ZFAND2A: variants seen among roughly 807,000 people sequenced by gnomAD.
ZFAND2A encodes zinc finger AN1-type containing 2A, also known as AN1-type zinc finger protein 2A.
ZFAND2A carries 20 observed loss-of-function variants against 11.6 expected under a neutral mutation model. The observed-to-expected ratio is 1.72, with a 90% confidence interval of 1.21 to 2.50. The LOEUF (loss-of-function observed/expected upper bound fraction) is 2.50. ZFAND2A is among the 30% of genes most tolerant of loss of function. The pLI, the probability that ZFAND2A is intolerant of heterozygous loss-of-function variation, is 0.00. For synonymous variants in ZFAND2A, 93 were observed against 60.6 expected (o/e 1.54, Z -2.48); for missense variants, 234 against 182.9 (o/e 1.28, Z -1.61).
At chr7:1,150,146 T>C (rs1793371609), downstream of ZFAND2A, among the ~76,000 whole-genome samples, 3 of 151,238 alleles carry the variant, frequency 2.0e-5, no homozygotes, top group South Asian at 6.2e-4. Context: ...GCAAAAAAGT[T>C]TGTCAGATTA....
At position 1,153,034 on chromosome 7, in the gene ZFAND2A, C is replaced by T. The variant is rs757187945; in HGVS notation, c.*35G>A. On this transcript the variant is annotated 3_prime_UTR_variant, in exon 5 of 5. Transcript: ENST00000316495. ...GTGTAAGCTGCTTCCACGCATGCTA[C>T]TGCGTGCTCCGAGCCATCGCAGCGG... 1.5e-5 allele frequency: 24 copies of T among 1,613,634 alleles called. No homozygotes were observed. Among genetic ancestry groups the T allele is most frequent in the East Asian group, 1.1e-4 (5 of 44,878 alleles).
chr7:1,155,986 G>A (rs1488089734), intron 3 of ZFAND2A, among the ~76,000 whole-genome samples: 1 of 152,236 alleles, frequency 6.6e-6, no homozygotes, highest in Non-Finnish European at 1.5e-5. Context: ...TTTCCCCAGT[G>A]GCTTCTACGT....
chr7:1,159,301 C>G (rs916478558), intron 1 of ZFAND2A, among the ~76,000 whole-genome samples: 17 of 152,224 alleles, frequency 1.1e-4, no homozygotes, highest in Non-Finnish European at 1.6e-4. Context: ...GCACAGCACC[C>G]GTCCTAGGAA....
downstream of ZFAND2A, chr7:1,152,811 G>T: frequency 1.7e-6 from 1 of 592,006 alleles, no homozygotes; most frequent in East Asian, 3.2e-5. Flanking sequence ...TGGACCTCCA[G>T]CCCCCAGAAC....
Position 1,159,980 on chromosome 7 carries a change from A to G in ZFAND2A, c.-62T>C. 1 of 160,174 alleles carries G rather than the reference A, an allele frequency of 6.2e-6. No homozygotes were observed. Among genetic ancestry groups the G allele is most frequent in the Non-Finnish European group, 1.4e-5 (1 of 72,082 alleles). The allele number at this position is 160,174 out of a possible 1,614,324, so 9.9% of individuals were successfully genotyped here. On this transcript the variant is annotated 5_prime_UTR_variant, in exon 1 of 5. Coordinates refer to ENST00000316495, the MANE Select transcript of ZFAND2A (RefSeq NM_182491.4). ...GCCCCGTACCTGGCTCTCGTCGGGG[A>G]CCCAGGCAGCTGAGGTGAGCAGCAG...
At chr7:1,151,054 CTAA>C (rs2128256757), downstream of ZFAND2A, among the ~76,000 whole-genome samples, 1 of 152,202 alleles carries the variant, frequency 6.6e-6, no homozygotes, top group African/African-American at 2.4e-5. Flanking sequence ...CCACACCTGG[CTAA>C]TTTTTGTTTT....
intron 3 of ZFAND2A, among the ~76,000 whole-genome samples, chr7:1,156,868 G>A (rs1252203739): frequency 6.6e-6 from 1 of 151,930 alleles, no homozygotes; most frequent in African/African-American, 2.4e-5. Flanking sequence ...GGGAAGACAA[G>A]CTGGGCAGTC....
chr7:1,151,764 A>AAAAAAAAAAAAAAAAAAC (rs1793402603), downstream of ZFAND2A, among the ~76,000 whole-genome samples: 1 of 147,196 alleles, frequency 6.8e-6, no homozygotes, highest in African/African-American at 2.5e-5. Flanking sequence ...ATCCCTTTTA[A>AAAAAAAAAAAAAAAAAAC]AAAAAAAAAA....
chr7:1,158,150 G>C lies in ZFAND2A; in HGVS notation c.55+8C>G. ...CCATTTTCTATTAAGTCTCTTAAAA[G>C]TACTCACCTAGCTGCTTGCAAGTCT... On this transcript the variant is annotated splice_region_variant and intron_variant, in intron 2 of 4. Coordinates refer to ENST00000316495, the MANE Select transcript of ZFAND2A (RefSeq NM_182491.4). The C allele has an allele frequency of 1.2e-6, 2 of 1,613,146 alleles. No homozygotes were observed. Among genetic ancestry groups the C allele is most frequent in the Non-Finnish European group, 1.7e-6 (2 of 1,179,466 alleles).
chr7:1,152,077 G>A (rs987448811), downstream of ZFAND2A: 10 of 773,152 alleles, frequency 1.3e-5, no homozygotes, highest in South Asian at 5.8e-5. Flanking sequence ...GTGCTGGAGC[G>A]AGCTGCTTCT....
chr7:1,155,521 G>A lies in ZFAND2A; in HGVS notation c.214C>T (p.Pro72Ser). ...ATGTGATCACCAACCACCACGTCTGGTATCTGGCCCTTTTTTACTGGGATG... is the reference window on the plus strand; with the variant it reads ...ATGTGATCACCAACCACCACGTCTGATATCTGGCCCTTTTTTACTGGGATG... ...TPIPVKKGQI[P>S]DVVVGDHIDR... The change falls in exon 4 of 5, where the codon CCA becomes TCA. Residue 72 changes from proline to serine, a missense_variant. Transcript: ENST00000316495. 2 of 1,613,958 alleles carry A rather than the reference G, an allele frequency of 1.2e-6. No homozygotes were observed. Among genetic ancestry groups the A allele is most frequent in the Non-Finnish European group, 1.7e-6 (2 of 1,179,938 alleles).
chr7:1,155,982 C>A (rs368575027), intron 3 of ZFAND2A, among the ~76,000 whole-genome samples: 5 of 152,234 alleles, frequency 3.3e-5, no homozygotes, highest in African/African-American at 1.2e-4. Flanking sequence ...GCGGTTTCCC[C>A]AGTGGCTTCT....
At chr7:1,154,275 G>A (rs945037093) in intron 4 of ZFAND2A, among the ~76,000 whole-genome samples, 1 of 151,878 alleles carries the variant, frequency 6.6e-6, no homozygotes, top group Non-Finnish European at 1.5e-5. Context: ...AGTGAGGAGA[G>A]TGGGGAGGGT....
In ZFAND2A at chr7:1,159,422, G is replaced by C. The variant is rs991954951; in HGVS notation, c.-46+542C>G. ...CCGTGCGACCCGGTACTACGGCCCC[G>C]ATGGCAGGCCCGGCCCCCAGCAGAC... On this transcript the variant is annotated intron_variant, in intron 1 of 4. Transcript: ENST00000316495. Among the ~76,000 whole-genome samples, 71 of 151,976 alleles carry C rather than the reference G, an allele frequency of 4.7e-4. 1 individual carries two copies. The highest frequency in any genetic ancestry group is 1.2e-3 in the African/African-American group (49 of 41,456).
At chr7:1,152,181 C>T (rs1251880107), downstream of ZFAND2A, 1 of 1,503,754 alleles carries the variant, frequency 6.7e-7, no homozygotes, top group Non-Finnish European at 9.0e-7. Flanking sequence ...CACACAGCAA[C>T]CTTTCCGTGT....
chr7:1,155,072 G>A (rs922623007), intron 4 of ZFAND2A, among the ~76,000 whole-genome samples: 7 of 152,084 alleles, frequency 4.6e-5, no homozygotes, highest in East Asian at 3.9e-4. Flanking sequence ...GAGCCGAGAC[G>A]GCACCATTCA....
chr7:1,151,762 T>TTTAAAAAAAAAAA (rs1554344524), downstream of ZFAND2A, among the ~76,000 whole-genome samples: 1 of 87,180 alleles, frequency 1.1e-5, no homozygotes, highest in Non-Finnish European at 2.2e-5. Flanking sequence ...TCATCCCTTT[T>TTTAAAAAAAAAAA]AAAAAAAAAA....
intron 1 of ZFAND2A, among the ~76,000 whole-genome samples, chr7:1,159,071 G>C (rs1018521136): frequency 6.6e-6 from 1 of 152,074 alleles, no homozygotes; most frequent in Non-Finnish European, 1.5e-5. Context: ...TCAGTTTAAA[G>C]CCATTCCCAC....
chr7:1,150,044 G>A (rs930571489), downstream of ZFAND2A, among the ~76,000 whole-genome samples: 1 of 151,646 alleles, frequency 6.6e-6, no homozygotes, highest in East Asian at 1.9e-4. Flanking sequence ...GTAGGGACAG[G>A]GTTTCATCAT....
Sources: gnomAD v4.1 joint callset for allele counts (sites outside exome capture counted in the v4.1 genomes callset) on GRCh38, gnomAD v4.1.1 for gene constraint, MANE v1.5 for transcripts, NCBI Gene and HGNC (gene_info 2026-07-23, HGNC 2026-07-21) for gene names.